Variants in LTN1 observed in about 807,000 individuals in gnomAD.
LTN1 encodes E3 ubiquitin-protein ligase listerin.
Under a neutral mutation model 201.2 loss-of-function variants are expected in LTN1, and 88 were observed. The observed-to-expected ratio is 0.44, with a 90% CI of 0.37 to 0.52. LTN1 has a LOEUF of 0.52. Ranked by LOEUF, LTN1 falls within the 20% of genes least tolerant of loss-of-function variation. The pLI is 0.00. For missense variants in LTN1, 1,752 were observed against 2,038.7 expected (o/e 0.86, Z 2.71); for synonymous variants, 645 against 713.5 (o/e 0.90, Z 1.53).
chr21:28,936,811 T>C, intron 25 of LTN1, 114 bp from the exon 26 acceptor site: 3 of 724,072 alleles, frequency 4.1e-6, no homozygotes, highest in Non-Finnish European at 4.7e-6. Flanking sequence ...AGACATTCTA[T>C]CCCCTCATTA....
intron 6 of LTN1, among the ~76,000 whole-genome samples, chr21:28,980,166 T>C (rs1445753278): frequency 1.3e-5 from 2 of 151,868 alleles, no homozygotes; most frequent in African/African-American, 2.4e-5. Context: ...TTTTGATTGG[T>C]GATTTCATGT....
Position 28,935,109 on chromosome 21 carries a change from C to T in LTN1, c.4875G>A (p.Thr1625=). 3 of 1,591,040 alleles carry T rather than the reference C, an allele frequency of 1.9e-6. No homozygotes were observed. The highest frequency in any genetic ancestry group is 2.6e-6 in the Non-Finnish European group (3 of 1,159,948). Residue 1625 remains threonine (T), a splice_region_variant and synonymous_variant, in exon 27 of 30, where the codon ACG becomes ACA. Coordinates refer to ENST00000361371, the MANE Select transcript of LTN1 (RefSeq NM_015565.3). ...TAGAGAAAGTCAAGACAATACTAAC[C>T]GTCATGCCATTAAATAGTTGTGTAC... The part of the protein sequence containing the change: ...QTSTQLFNGM[T]VKARATTREV...
intron 4 of LTN1, 32 bp from the exon 5 acceptor site, chr21:28,982,400 T>C: frequency 6.4e-7 from 1 of 1,558,336 alleles, no homozygotes; most frequent in Non-Finnish European, 8.9e-7. Flanking sequence ...AAGCCTTTGG[T>C]TTTACTGAAC....
intron 16 of LTN1, among the ~76,000 whole-genome samples, chr21:28,954,917 A>G (rs1422769057): frequency 1.3e-5 from 2 of 152,212 alleles, no homozygotes; most frequent in Non-Finnish European, 2.9e-5. Context: ...CGAAGGCAAC[A>G]AAAACAGGCA....
Position 28,935,175 on chromosome 21 carries a change from G to A in LTN1, c.4809C>T (p.Ser1603=), listed in dbSNP as rs112621155. The part of the protein sequence containing the change: ...IVDRFTSKYV[S]SVLSFQEISS... ...ATATTTCTTGAAAAGAAAGAACACT[G>A]CTGACATACTTGCTTGTAAATCTAT... Residue 1603 remains serine, a synonymous_variant, in exon 27 of 30, where the codon AGC becomes AGT. Coordinates refer to ENST00000361371, the MANE Select transcript of LTN1 (RefSeq NM_015565.3). 11 of 1,613,344 alleles carry A rather than the reference G, an allele frequency of 6.8e-6. No individual in the cohort carries two copies. Among genetic ancestry groups the A allele is most frequent in the Admixed American group, 3.3e-5 (2 of 60,022 alleles).
At chr21:28,941,536 C>T (rs1417560872) in intron 24 of LTN1, 130 bp from the exon 25 acceptor site, 2 of 649,142 alleles carry the variant, frequency 3.1e-6, no homozygotes, top group Non-Finnish European at 2.6e-6. Context: ...AAAAATTCCC[C>T]TCTATTGAGC....
At chr21:28,988,749 T>C (rs934989010) in intron 1 of LTN1, among the ~76,000 whole-genome samples, 1 of 151,902 alleles carries the variant, frequency 6.6e-6, no homozygotes, top group African/African-American at 2.4e-5. Flanking sequence ...GGAGATCACC[T>C]GAGATCAGGA....
chr21:28,941,188 G>A, intron 25 of LTN1, 32 bp downstream of exon 25: 1 of 1,521,112 alleles, frequency 6.6e-7, no homozygotes, highest in Non-Finnish European at 9.1e-7. Flanking sequence ...TATTAGGACA[G>A]AACTATCGAA....
In LTN1 at chr21:28,943,725, G is replaced by A. The variant is rs760072915; in HGVS notation, c.4162C>T (p.Pro1388Ser). The change falls in exon 23 of 30, where the codon CCA becomes TCA. Residue 1388 changes from proline to serine, a missense_variant. Physicochemically the swap from Pro to Ser is moderately conservative, Grantham distance 74. Coordinates refer to ENST00000361371, the MANE Select transcript of LTN1 (RefSeq NM_015565.3). ...GGCCTAGCTCTGAAGAGGAGTAATG[G>A]GGCCAATGTATTTAACAAAGTCTGG... ...YLQTLLNTLAPLLLFRARPVQ... is the reference protein window; with the variant it reads ...YLQTLLNTLASLLLFRARPVQ... 6.2e-7 allele frequency: 1 copy of A among 1,613,730 alleles called. No homozygotes were observed. Among genetic ancestry groups the A allele is most frequent in the Non-Finnish European group, 8.5e-7 (1 of 1,179,840 alleles).
At chr21:28,944,830 T>A (rs971130213) in intron 21 of LTN1, among the ~76,000 whole-genome samples, 7 of 152,242 alleles carry the variant, frequency 4.6e-5, no homozygotes, top group East Asian at 1.9e-4. Context: ...GTACCCTTTT[T>A]AATTTCTAAC....
At chr21:28,981,790 C>T (rs2832149) in intron 5 of LTN1, among the ~76,000 whole-genome samples, 30,775 of 152,218 alleles carry the variant, frequency 0.2, 3,632 homozygotes, top group South Asian at 0.28. Context: ...TCTAATACAA[C>T]CAAATGTGTA....
intron 25 of LTN1, among the ~76,000 whole-genome samples, chr21:28,937,600 A>G (rs954164758): frequency 5.3e-5 from 8 of 152,206 alleles, no homozygotes; most frequent in Admixed American, 4.6e-4. Context: ...GATTTTTAAA[A>G]TATGTTGACC....
chr21:28,980,868 C>G (rs1404748442), intron 6 of LTN1, among the ~76,000 whole-genome samples: 2 of 152,020 alleles, frequency 1.3e-5, no homozygotes, highest in Non-Finnish European at 2.9e-5. Context: ...CTTGCACACA[C>G]CAATTTTAAG....
At chr21:28,992,011 C>T (rs553434536) in intron 1 of LTN1, among the ~76,000 whole-genome samples, 7 of 152,320 alleles carry the variant, frequency 4.6e-5, no homozygotes, top group Admixed American at 6.5e-5. Context: ...AGGATAAAAA[C>T]ATTTGCTTTC....
Position 28,943,286 on chromosome 21 carries a change from C to T in LTN1, c.4271G>A (p.Gly1424Glu). 6.2e-7 allele frequency: 1 copy of T among 1,603,292 alleles called. No homozygotes were observed. The highest frequency in any genetic ancestry group is 8.5e-7 in the Non-Finnish European group (1 of 1,172,708). Residue 1424 changes from glycine to glutamate, a missense_variant, in exon 24 of 30, where the codon GGA (glycine) becomes GAA (glutamate). Transcript: ENST00000361371. ...CAAGGCTGGCTCTTCTTCTTCATCT[C>T]CGTATGACTTTAGATTATCCTGATC... The part of the protein sequence containing the change: ...QYDQDNLKSY[G>E]DEEEEPALSP...
chr21:28,953,411 A>C (rs1208078842), intron 16 of LTN1, 35 bp from the exon 17 acceptor site: 6 of 1,504,348 alleles, frequency 4.0e-6, no homozygotes, highest in South Asian at 3.8e-5. Context: ...TATGAAAAGC[A>C]CTCTGTGAAC....
chr21:28,941,141 A>C (rs1234092901), intron 25 of LTN1, 79 bp downstream of exon 25: 1 of 946,070 alleles, frequency 1.1e-6, no homozygotes, highest in African/African-American at 1.7e-5. Context: ...CCTTTTATTA[A>C]ACTGAAAGGA....
In LTN1 at chr21:28,960,561, C is replaced by T; in HGVS notation, c.2309G>A (p.Arg770Lys). The T allele has an allele frequency of 6.2e-7, 1 of 1,613,902 alleles. No homozygotes were observed. The highest frequency in any genetic ancestry group is 8.5e-7 in the Non-Finnish European group (1 of 1,179,904). The stretch of plus-strand genomic sequence containing the variant: ...TAATACCAAGCTTAGAAGAGTCCAT[C>T]TTTCTGAGAAGTGAGATTCTGAAGA... ...RVSSESHFSERWTLLSLVLSQ... is the reference protein window; with the variant it reads ...RVSSESHFSEKWTLLSLVLSQ... Residue 770 changes from arginine (R) to lysine (K), a missense_variant, in exon 12 of 30, where the codon AGA becomes AAA. By Grantham distance (26) the Arg-to-Lys change is conservative (BLOSUM62 2). Around this residue, in one of 3 missense-constraint regions of LTN1, gnomAD observed 1,211 missense variants for 1,312.8 expected, o/e 0.92. Transcript: ENST00000361371.
rs1030234447 is a variant in LTN1, at chr21:28,970,417, T to C, written c.1175+135A>G. ...AACGTACTCAAGAAAAAAATATCAATTGTAATTCTCTGAAAACTTTAAAAG... is the reference window on the plus strand; with the variant it reads ...AACGTACTCAAGAAAAAAATATCAACTGTAATTCTCTGAAAACTTTAAAAG... On this transcript the variant is annotated intron_variant, in intron 8 of 29. Coordinates refer to ENST00000361371, the MANE Select transcript of LTN1 (RefSeq NM_015565.3). The C allele has an allele frequency of 3.0e-5, 20 of 661,248 alleles. No individual in the cohort carries two copies. The Admixed American group carries it at 4.2e-4, about 14-fold the overall frequency. The allele number at this position is 661,248 out of a possible 1,614,324, so 41.0% of individuals were successfully genotyped here.
Sources: gnomAD v4.1 joint callset for allele counts (sites outside exome capture counted in the v4.1 genomes callset) on GRCh38, gnomAD v4.1.1 for gene constraint, gnomAD v4.1.1 regional missense constraint, MANE v1.5 for transcripts, NCBI Gene and HGNC (gene_info 2026-07-23, HGNC 2026-07-21) for gene names.